PCDHGB4: variants seen among roughly 807,000 people sequenced by gnomAD.
PCDHGB4 encodes the protein protocadherin gamma-B4.
Under a neutral mutation model 60.5 loss-of-function variants are expected in PCDHGB4, and 38 were observed. The observed-to-expected ratio is 0.63, with a 90% CI of 0.48 to 0.82. PCDHGB4 has a LOEUF of 0.82. PCDHGB4 is among the 40% of genes least tolerant of loss of function. The probability of loss-of-function intolerance (pLI) is 0.00; values close to 1 mark genes in which losing one functional copy is unlikely to be tolerated. For missense variants in PCDHGB4, 1,109 were observed against 1,209.6 expected, an observed-to-expected ratio of 0.92 and a Z score of 1.23; for synonymous variants, 456 against 509.7, an observed-to-expected ratio of 0.89 and a Z score of 1.42.
intron 1 of PCDHGB4, chr5:141,471,300 C>T (rs2099254628): frequency 6.6e-6 from 1 of 152,190 alleles, no homozygotes; most frequent in African/African-American, 2.4e-5. Context: ...ATCCACCCAA[C>T]TCGGCCTCCC....
intron 1 of PCDHGB4, among the ~76,000 whole-genome samples, chr5:141,492,964 C>CT (rs2099745347): frequency 6.6e-6 from 1 of 152,354 alleles, no homozygotes; most frequent in Non-Finnish European, 1.5e-5. Context: ...ATCTGACACT[C>CT]TAACAAGTCC....
chr5:141,420,933 T>C (rs1227912236), intron 1 of PCDHGB4: 1 of 375,320 alleles, frequency 2.7e-6, no homozygotes, highest in African/African-American at 2.1e-5. Context: ...GTGAGCGTAA[T>C]CATTTCTTCT....
In PCDHGB4 at chr5:141,488,566, A is replaced by T. The variant is rs1354931497; in HGVS notation, c.2398-6241A>T. On this transcript the variant is annotated intron_variant, in intron 1 of 3. Coordinates refer to ENST00000519479, the MANE Select transcript of PCDHGB4 (RefSeq NM_003736.4). ...TGTCAGCTGACATTGAGATTTCCGC[A>T]AAGCATTGCTGGAGAGTCAGGGCAA... 5.9e-5 allele frequency among the ~76,000 whole-genome samples: 9 copies of T among 152,324 alleles called. No individual in the cohort carries two copies. In the East Asian group the frequency reaches 1.5e-3, roughly 26 times the overall value.
At position 141,403,695 on chromosome 5, in the gene PCDHGB4, G is replaced by T. The variant is rs376074779; in HGVS notation, c.2397+13414G>T. On this transcript the variant is annotated intron_variant, in intron 1 of 3. Transcript: ENST00000519479. ...CCGGTTTTTGCTCAACGGATTTACC[G>T]AGTTAAAGTCCTTGAGAACGTGCCC... The T allele has an allele frequency of 2.9e-5, 46 of 1,613,780 alleles. No individual in the cohort carries two copies. The highest frequency in any genetic ancestry group is 3.7e-5 in the Non-Finnish European group (44 of 1,179,906).
chr5:141,394,700 G>A (rs775789970), intron 1 of PCDHGB4: 1 of 1,613,138 alleles, frequency 6.2e-7, no homozygotes, highest in Non-Finnish European at 8.5e-7. Flanking sequence ...TGCGCACGGC[G>A]CGAGCCCTGC....
At chr5:141,393,197 T>C (rs1470064881) in intron 1 of PCDHGB4, 1 of 1,613,448 alleles carries the variant, frequency 6.2e-7, no homozygotes, top group South Asian at 1.1e-5. Context: ...ATATTAACGA[T>C]AATAACCCAA....
rs756966401 is a variant in PCDHGB4, at chr5:141,393,451, C to T, written c.2397+3170C>T. The T allele has an allele frequency of 5.0e-6, 8 of 1,614,058 alleles. No homozygotes were observed. In the South Asian group the frequency reaches 6.6e-5, roughly 13 times the overall value. On this transcript the variant is annotated intron_variant, in intron 1 of 3. Transcript: ENST00000519479. The stretch of plus-strand genomic sequence containing the variant: ...GAGGCTGCTCACCACCTGGTCCTCA[C>T]GGCCTCGGATGGCGGCAAGCCGCCT...
At chr5:141,414,834 C>T in intron 1 of PCDHGB4, 1 of 1,614,252 alleles carries the variant, frequency 6.2e-7, no homozygotes, top group South Asian at 1.1e-5. Context: ...TGTCGTTGAG[C>T]CTGTTTGTGC....
chr5:141,427,111 C>G (rs1324091636), intron 1 of PCDHGB4: 7 of 457,560 alleles, frequency 1.5e-5, no homozygotes, highest in South Asian at 1.1e-4. Context: ...GCGGAGATCA[C>G]CTACTCTTTC....
rs1271916110 is a variant in PCDHGB4, at chr5:141,394,787, C to T, written c.2397+4506C>T. 11 of 1,613,632 alleles carry T rather than the reference C, an allele frequency of 6.8e-6. 1 individual carries two copies. The highest frequency in any genetic ancestry group is 9.3e-6 in the Non-Finnish European group (11 of 1,180,016). On this transcript the variant is annotated intron_variant, in intron 1 of 3. Transcript: ENST00000519479. ...GCCAGCCCCCTCTCTCCGCCACTGT[C>T]ACGCTCACCGTAGCCGTGGCTGACA... is the stretch of plus-strand genomic sequence containing the variant.
In PCDHGB4 at chr5:141,476,073, A is replaced by C. The variant is rs765071344; in HGVS notation, c.2398-18734A>C. On this transcript the variant is annotated intron_variant, in intron 1 of 3. Coordinates refer to ENST00000519479, the MANE Select transcript of PCDHGB4 (RefSeq NM_003736.4). The surrounding 1 kb of genome is among the most constrained non-coding windows in gnomAD (Gnocchi z 7.6). ...GCTGAAAGTTTCTCAGCGAAATCTC[A>C]GGGACGATCTGGACCCCGCTGAGAG... 4 of 1,524,010 alleles carry C rather than the reference A, an allele frequency of 2.6e-6. No individual in the cohort carries two copies. Among genetic ancestry groups the C allele is most frequent in the Admixed American group, 4.2e-5 (2 of 47,746 alleles). The allele number at this position is 1,524,010 out of a possible 1,614,324, so 94.4% of individuals were successfully genotyped here. A position where few individuals can be genotyped will look rare whatever the true frequency, so the allele number is the denominator to read the frequency against.
In PCDHGB4 at chr5:141,487,869, G is replaced by T; in HGVS notation, c.2398-6938G>T. On this transcript the variant is annotated intron_variant, in intron 1 of 3. Transcript: ENST00000519479. This position sits in a 1 kb window ranked among gnomAD's most constrained non-coding sequence, Gnocchi z 5.0. ...AAATGAAAGTAATTGGTGATCAAGA[G>T]CCAGGCTGTTGTGGAAGCATGATGA... 1.1e-6 allele frequency: 1 copy of T among 871,620 alleles called. No individual in the cohort carries two copies. The highest frequency in any genetic ancestry group is 1.7e-6 in the Non-Finnish European group (1 of 574,346). The allele number at this position is 871,620 out of a possible 1,614,324, so 54.0% of individuals were successfully genotyped here. A position where few individuals can be genotyped will look rare whatever the true frequency, so the allele number is the denominator to read the frequency against.
At chr5:141,420,420 CAA>C (rs1462714732) in intron 1 of PCDHGB4, 2 of 1,201,950 alleles carry the variant, frequency 1.7e-6, no homozygotes, top group African/African-American at 3.2e-5. Context: ...ATTATTAAAA[CAA>C]AAGTTTAAAT....
At chr5:141,504,236 C>A (rs1011850372) in intron 2 of PCDHGB4, among the ~76,000 whole-genome samples, 2 of 152,194 alleles carry the variant, frequency 1.3e-5, no homozygotes, top group African/African-American at 4.8e-5. Flanking sequence ...TTCTAAGAAG[C>A]AGAGAGTTCT....
intron 1 of PCDHGB4, among the ~76,000 whole-genome samples, chr5:141,407,487 C>T (rs928735518): frequency 7.0e-6 from 1 of 142,894 alleles, no homozygotes; most frequent in African/African-American, 2.6e-5. Context: ...TATGGAAAAT[C>T]TTTATTTCTG....
intron 1 of PCDHGB4, 145 bp downstream of exon 1, chr5:141,390,426 T>C: frequency 9.8e-7 from 1 of 1,021,884 alleles, no homozygotes; most frequent in Non-Finnish European, 1.4e-6. Flanking sequence ...TAAAAAGCTG[T>C]CATATCATTC....
At chr5:141,429,469 T>C (rs547784462) in intron 1 of PCDHGB4, among the ~76,000 whole-genome samples, 4 of 151,932 alleles carry the variant, frequency 2.6e-5, no homozygotes, top group African/African-American at 4.8e-5. Context: ...CCCACCTCAA[T>C]CTCCAGAGTA....
rs2099669219 is a variant in PCDHGB4, at chr5:141,487,927, C to T, written c.2398-6880C>T. 3 of 626,498 alleles carry T rather than the reference C, an allele frequency of 4.8e-6. No homozygotes were observed. Among genetic ancestry groups the T allele is most frequent in the Admixed American group, 5.9e-5 (2 of 34,100 alleles). The allele number at this position is 626,498 out of a possible 1,614,324, so 38.8% of individuals were successfully genotyped here. On this transcript the variant is annotated intron_variant, in intron 1 of 3. Coordinates refer to ENST00000519479, the MANE Select transcript of PCDHGB4 (RefSeq NM_003736.4). The surrounding 1 kb of genome is among the most constrained non-coding windows in gnomAD (Gnocchi z 5.0). ...TGGGAGCACAGGAGGCTACAGTGCA[C>T]AGGGTACAGTGCACCAGGCAGTCAC...
chr5:141,398,804 C>T, intron 1 of PCDHGB4: 1 of 1,614,012 alleles, frequency 6.2e-7, no homozygotes, highest in Non-Finnish European at 8.5e-7. Context: ...AGCGGCACCA[C>T]TGAGCTCCGG....
Sources: gnomAD v4.1 joint callset for allele counts (sites outside exome capture counted in the v4.1 genomes callset) on GRCh38, gnomAD v4.1.1 for gene constraint, Gnocchi (gnomAD v3.1) non-coding constraint, MANE v1.5 for transcripts, NCBI Gene and HGNC (gene_info 2026-07-23, HGNC 2026-07-21) for gene names.